The following DEAF1 variants were observed in gnomAD, a reference collection of about 807,000 sequenced individuals.
The protein encoded by DEAF1 is deformed epidermal autoregulatory factor 1 homolog.
A neutral mutation model predicts 58.9 loss-of-function variants in DEAF1; 53 were observed. That is an observed-to-expected ratio of 0.90 (90% CI 0.72 to 1.13). The LOEUF (loss-of-function observed/expected upper bound fraction) is 1.13. Among genes scored for constraint, DEAF1 ranks in the 50% most tolerant of loss-of-function variants. DEAF1 has a pLI of 0.00. For missense variants in DEAF1, 685 were observed against 791.4 expected (o/e 0.87, Z 1.61); for synonymous variants, 385 against 340.4 (o/e 1.13, Z -1.44).
chr11:674,849 C>T (rs747555870), intron 9 of DEAF1, 66 bp from the exon 10 acceptor site: 1,998 of 1,597,034 alleles, frequency 1.3e-3, no homozygotes, highest in Non-Finnish European at 1.5e-3. Context: ...AAATGGCCTC[C>T]GTTAAAAATT....
intron 8 of DEAF1, among the ~76,000 whole-genome samples, chr11:679,225 G>C (rs928321184): frequency 1.3e-4 from 20 of 151,586 alleles, no homozygotes; most frequent in African/African-American, 4.8e-4. Context: ...TGAGGCAGGA[G>C]AACGGTGTGA....
chr11:702,443 C>T (rs750090382), intron 1 of DEAF1, among the ~76,000 whole-genome samples: 2 of 152,264 alleles, frequency 1.3e-5, no homozygotes, highest in East Asian at 1.9e-4. Context: ...AAGCGCGCCG[C>T]ACACTGCAGG....
chr11:680,819 G>A lies in DEAF1; in HGVS notation c.997+144C>T, dbSNP rs1055514799. The A allele has an allele frequency of 3.2e-6, 4 of 1,236,418 alleles. No individual in the cohort carries two copies. In the African/African-American group the frequency reaches 6.0e-5, roughly 18 times the overall value. The allele number at this position is 1,236,418 out of a possible 1,614,324, so 76.6% of individuals were successfully genotyped here. A position where few individuals can be genotyped will look rare whatever the true frequency, so the allele number is the denominator to read the frequency against. On this transcript the variant is annotated intron_variant, in intron 7 of 11. Transcript: ENST00000382409. The stretch of plus-strand genomic sequence containing the variant: ...TCCCACCCGGGGGACGCACTGCAAA[G>A]GAGTGTGATGGCGTTGGAATCCCTC...
intron 1 of DEAF1, chr11:704,106 A>G: frequency 9.1e-7 from 1 of 1,099,582 alleles, no homozygotes; most frequent in Non-Finnish European, 1.1e-6. Context: ...TTTGTAAATA[A>G]AGAGATGTGT....
upstream of DEAF1, chr11:695,762 G>A: frequency 8.1e-7 from 1 of 1,239,338 alleles, no homozygotes; most frequent in Admixed American, 4.2e-5. Context: ...AATGGCCGAA[G>A]GAGCGCGAGC....
In DEAF1 at chr11:688,058, C is replaced by G; in HGVS notation, c.518-1G>C. On this transcript the variant is annotated splice_acceptor_variant, in intron 3 of 11. Coordinates refer to ENST00000382409, the MANE Select transcript of DEAF1 (RefSeq NM_021008.4). LOFTEE classifies it high-confidence loss of function. This position sits in a 1 kb window ranked among gnomAD's most constrained non-coding sequence, Gnocchi z 4.3. ...AGAGGGGTTGGAGGAGACTGAGGAC[C>G]TTGGGCAGAGAAAGTGTTTGAAGGT... 1.2e-6 allele frequency: 2 copies of G among 1,613,892 alleles called. No individual in the cohort carries two copies. The highest frequency in any genetic ancestry group is 1.7e-6 in the Non-Finnish European group (2 of 1,179,978).
At chr11:686,048 C>T (rs757904482) in intron 5 of DEAF1, among the ~76,000 whole-genome samples, 11 of 150,842 alleles carry the variant, frequency 7.3e-5, no homozygotes, top group Non-Finnish European at 1.3e-4. Flanking sequence ...TTTGGGAGGC[C>T]GAGGCAGGCA....
intron 9 of DEAF1, among the ~76,000 whole-genome samples, chr11:677,871 G>A (rs373823875): frequency 6.6e-6 from 1 of 151,944 alleles, no homozygotes; most frequent in African/African-American, 2.4e-5. Context: ...GCTGAGGCAG[G>A]AGAATTGCTT....
intron 11 of DEAF1, chr11:651,478 A>G: frequency 3.5e-6 from 1 of 287,316 alleles, no homozygotes; most frequent in East Asian, 1.3e-4. Context: ...GATGTTTTAT[A>G]ATGATAAAAG....
At chr11:660,645 C>T (rs74045086) in intron 10 of DEAF1, among the ~76,000 whole-genome samples, 8,348 of 152,316 alleles carry the variant, frequency 0.055, 715 homozygotes, top group African/African-American at 0.19. Context: ...CAGCAACCCT[C>T]GCTCACTGGG....
intron 10 of DEAF1, among the ~76,000 whole-genome samples, chr11:670,156 G>C (rs532620421): frequency 6.6e-5 from 10 of 151,742 alleles, no homozygotes; most frequent in Non-Finnish European, 1.5e-4. Flanking sequence ...TGGTGCTTCT[G>C]CAGGGATTGA....
upstream of DEAF1, among the ~76,000 whole-genome samples, chr11:697,025 G>C (rs1418378891): frequency 1.5e-5 from 2 of 134,808 alleles, no homozygotes; most frequent in African/African-American, 5.3e-5. Flanking sequence ...TGGGGGGGGT[G>C]GGGTGCGGAG....
chr11:667,369 GAGGAAGGAAGGA>G (rs1214803701), intron 10 of DEAF1, among the ~76,000 whole-genome samples: 153 of 124,002 alleles, frequency 1.2e-3, no homozygotes, highest in Non-Finnish European at 1.8e-3. Flanking sequence ...GGGAGGGAGG[GAGGAAGGAAGGA>G]AGGAAGGAGA....
At chr11:696,939 C>T (rs1165645512), upstream of DEAF1, among the ~76,000 whole-genome samples, 3 of 146,394 alleles carry the variant, frequency 2.0e-5, no homozygotes, top group African/African-American at 5.0e-5. Context: ...ATTAGCCTGG[C>T]GTGATGGTGC....
chr11:684,412 C>T (rs1464901722), intron 6 of DEAF1, among the ~76,000 whole-genome samples: 3 of 149,660 alleles, frequency 2.0e-5, no homozygotes, highest in Non-Finnish European at 4.4e-5. Flanking sequence ...AATGAGACTT[C>T]GTCTCAGAAA....
At position 670,773 on chromosome 11, in the gene DEAF1, T is replaced by TTTTC. The variant is rs1859781917; in HGVS notation, c.1503+3762_1503+3763insGAAA. Reference sequence around the variant, plus strand: ...TTTTTAATTTCTTTTTTCTTTTTGTTTTTGTTTTTTTTTTTTTTTTTTGAG... The same window carrying TTTTC: ...TTTTTAATTTCTTTTTTCTTTTTGTTTTTCTTTGTTTTTTTTTTTTTTTTTTGAG... On this transcript the variant is annotated intron_variant, in intron 10 of 11. Transcript: ENST00000382409. 2.9e-5 allele frequency among the ~76,000 whole-genome samples: 2 copies of TTTTC among 69,308 alleles called. 1 individual carries two copies. The highest frequency in any genetic ancestry group is 1.6e-4 in the African/African-American group (2 of 12,266). The allele number at this position is 69,308 out of a possible 152,430, so 45.5% of individuals were successfully genotyped here.
At chr11:651,267 G>A in intron 11 of DEAF1, 1 of 203,860 alleles carries the variant, frequency 4.9e-6, no homozygotes, top group Non-Finnish European at 1.0e-5. Context: ...GCTAGAAAAA[G>A]TAAATTTTAA....
chr11:667,361 G>GAGGGAGGGAGGA (rs2133338735), intron 10 of DEAF1, among the ~76,000 whole-genome samples: 1 of 139,886 alleles, frequency 7.1e-6, no homozygotes, highest in East Asian at 2.3e-4. Context: ...GGGATGGAGG[G>GAGGGAGGGAGGA]AGGGAGGGAG....
In DEAF1 at chr11:694,912, C is replaced by T. The variant is rs1389969543; in HGVS notation, c.136G>A (p.Glu46Lys). ...GAGTCTGCGTCCTCCTCCGAGTCCT[C>T]GTCCCTGCTCAGCACCGGCTCCTCC... ...EAEEPVLSRD[E>K]DSEEDADSEA... Residue 46 changes from glutamate to lysine, a missense_variant, in exon 1 of 12, where the codon GAG becomes AAG. Physicochemically the swap from Glu to Lys is moderately conservative, Grantham distance 56. Coordinates refer to ENST00000382409, the MANE Select transcript of DEAF1 (RefSeq NM_021008.4). The T allele has an allele frequency of 2.1e-6, 3 of 1,460,184 alleles. No individual in the cohort carries two copies. Among genetic ancestry groups the T allele is most frequent in the Non-Finnish European group, 2.7e-6 (3 of 1,106,398 alleles). 90.5% of individuals were successfully genotyped at this position (1,460,184 alleles called of 1,614,324 possible). A position where few individuals can be genotyped will look rare whatever the true frequency, so the allele number is the denominator to read the frequency against.
Sources: gnomAD v4.1 joint callset for allele counts (sites outside exome capture counted in the v4.1 genomes callset) on GRCh38, gnomAD v4.1.1 for gene constraint, Gnocchi (gnomAD v3.1) non-coding constraint, MANE v1.5 for transcripts, NCBI Gene and HGNC (gene_info 2026-07-23, HGNC 2026-07-21) for gene names.